Variants in NTS observed in about 807,000 individuals in gnomAD.
NTS encodes neurotensin.
A neutral mutation model predicts 19.5 loss-of-function variants in NTS; 20 were observed. The ratio of observed to expected loss-of-function variants is 1.02; its 90% confidence interval spans 0.72 to 1.49. NTS has a LOEUF of 1.49. Ranked by LOEUF, NTS falls within the 40% of genes most tolerant of loss-of-function variation. The probability of loss-of-function intolerance (pLI) is 0.00; values close to 1 mark genes in which losing one functional copy is unlikely to be tolerated. For missense variants in NTS, 215 were observed against 193.1 expected (o/e 1.11, Z -0.67); for synonymous variants, 71 against 63.3 (o/e 1.12, Z -0.58).
intron 1 of NTS, among the ~76,000 whole-genome samples, chr12:85,875,353 T>C (rs1375543819): frequency 2.6e-5 from 4 of 152,046 alleles, no homozygotes; most frequent in Non-Finnish European, 5.9e-5. Flanking sequence ...AAGAACACAT[T>C]AGGAAGCAAA....
chr12:85,880,493 A>C (rs1881478290), intron 3 of NTS, among the ~76,000 whole-genome samples: 2 of 152,028 alleles, frequency 1.3e-5, no homozygotes. Context: ...CTTGCGATTG[A>C]CTACCAAAGA....
chr12:85,880,862 G>A (rs895558221), intron 3 of NTS, among the ~76,000 whole-genome samples: 1 of 152,158 alleles, frequency 6.6e-6, no homozygotes, highest in African/African-American at 2.4e-5. Flanking sequence ...TGAGGCAGGA[G>A]AATGGCCTGA....
chr12:85,880,293 T>C (rs1416497044), intron 3 of NTS, among the ~76,000 whole-genome samples: 1 of 152,068 alleles, frequency 6.6e-6, no homozygotes, highest in Non-Finnish European at 1.5e-5. Context: ...TAGAACAATG[T>C]CAGGATAAAG....
At chr12:85,877,307 T>C (rs1881369164) in intron 2 of NTS, among the ~76,000 whole-genome samples, 1 of 152,118 alleles carries the variant, frequency 6.6e-6, no homozygotes, top group Non-Finnish European at 1.5e-5. Flanking sequence ...ACATTTACCG[T>C]TCTACAATGT....
intron 2 of NTS, 97 bp from the exon 3 acceptor site, chr12:85,878,245 GCAA>G: frequency 2.6e-6 from 2 of 780,614 alleles, no homozygotes; most frequent in South Asian, 3.8e-5. Flanking sequence ...GACTGGAGTA[GCAA>G]TTAGACCCTA....
At position 85,874,379 on chromosome 12, in the gene NTS, A is replaced by G. The variant is rs1285992991; in HGVS notation, c.-25A>G. 7 of 1,590,598 alleles carry G rather than the reference A, an allele frequency of 4.4e-6. No homozygotes were observed. The highest frequency in any genetic ancestry group is 5.2e-6 in the Non-Finnish European group (6 of 1,158,716). ...TTCAGTGTGCTTCTGACTTTTACGG[A>G]CTTGGCTTGTTAGAAGGCTGAAAGA... On this transcript the variant is annotated 5_prime_UTR_variant, in exon 1 of 4. Coordinates refer to ENST00000256010, the MANE Select transcript of NTS (RefSeq NM_006183.5).
chr12:85,879,222 T>TTTTATGTACGTAAA lies in NTS; in HGVS notation c.360+653_360+654insTTTATGTACGTAAA, dbSNP rs1565770692. Among the ~76,000 whole-genome samples the TTTTATGTACGTAAA allele has an allele frequency of 4.5e-5, 4 of 88,132 alleles. 2 individuals are homozygous for TTTTATGTACGTAAA. Among genetic ancestry groups the TTTTATGTACGTAAA allele is most frequent in the Non-Finnish European group, 9.2e-5 (4 of 43,460 alleles). 57.8% of individuals were successfully genotyped at this position (88,132 alleles called of 152,430 possible). ...TTTTATGTACGTAAAATATATTATA[T>TTTTATGTACGTAAA]ATATATTTTATGTATGTAAAATATA... On this transcript the variant is annotated intron_variant, in intron 3 of 3. Coordinates refer to ENST00000256010, the MANE Select transcript of NTS (RefSeq NM_006183.5).
At position 85,882,304 on chromosome 12, in the gene NTS, C is replaced by T; in HGVS notation, c.442C>T (p.Leu148=). The change falls in exon 4 of 4, where the codon CTG becomes TTG. Residue 148 remains leucine (L), a synonymous_variant. Transcript: ENST00000256010. ...CATAAAGAGAAAAATTCCTTATATTCTGAAACGGCAGCTGTATGAGAATAA... is the reference window on the plus strand; with the variant it reads ...CATAAAGAGAAAAATTCCTTATATTTTGAAACGGCAGCTGTATGAGAATAA... The part of the protein sequence containing the change: ...EVIKRKIPYI[L]KRQLYENKPR... 1.2e-6 allele frequency: 2 copies of T among 1,608,892 alleles called. No homozygotes were observed. Among genetic ancestry groups the T allele is most frequent in the Non-Finnish European group, 1.7e-6 (2 of 1,177,758 alleles).
chr12:85,878,507 G>A lies in NTS; in HGVS notation c.298G>A (p.Ala100Thr). The A allele has an allele frequency of 1.2e-6, 2 of 1,613,858 alleles. No homozygotes were observed. The highest frequency in any genetic ancestry group is 1.1e-5 in the South Asian group (1 of 91,060). Residue 100 changes from alanine (A) to threonine (T), a missense_variant, in exon 3 of 4, where the codon GCA (alanine) becomes ACA (threonine). By Grantham distance (58) the Ala-to-Thr change is moderately conservative. Transcript: ENST00000256010. Reference protein sequence around the residue: ...PTALDGFSLEAMLTIYQLHKI... With the variant: ...PTALDGFSLETMLTIYQLHKI... ...TGCTTTAGATGGCTTTAGCTTGGAA[G>A]CAATGTTGACAATATACCAGCTCCA... is the stretch of plus-strand genomic sequence containing the variant.
intron 3 of NTS, among the ~76,000 whole-genome samples, chr12:85,881,561 A>G (rs1342865940): frequency 1.3e-5 from 2 of 152,118 alleles, no homozygotes; most frequent in African/African-American, 4.8e-5. Flanking sequence ...CATGGTGCTT[A>G]ACTCCCTTAA....
At chr12:85,879,979 G>A (rs1043244342) in intron 3 of NTS, among the ~76,000 whole-genome samples, 1 of 148,972 alleles carries the variant, frequency 6.7e-6, no homozygotes, top group Admixed American at 6.7e-5. Context: ...CAAAAGTAAT[G>A]GCAAGAACCG....
intron 3 of NTS, among the ~76,000 whole-genome samples, chr12:85,880,354 T>G (rs1475796776): frequency 6.6e-6 from 1 of 152,084 alleles, no homozygotes; most frequent in East Asian, 1.9e-4. Flanking sequence ...AAACAAATTT[T>G]TAAAAATTTT....
chr12:85,878,127 G>A (rs1881388501), intron 2 of NTS: 1 of 413,128 alleles, frequency 2.4e-6, no homozygotes, highest in Non-Finnish European at 4.3e-6. Flanking sequence ...ATAAGTGCAT[G>A]TATATGTGAA....
chr12:85,880,161 T>C (rs1344469590), intron 3 of NTS, among the ~76,000 whole-genome samples: 1 of 151,966 alleles, frequency 6.6e-6, no homozygotes, highest in East Asian at 1.9e-4. Context: ...TTCGGTTCTG[T>C]GTTTGTTTAT....
chr12:85,874,337 T>G lies in NTS; in HGVS notation c.-67T>G. ...AAAGCCAGCTGAAGGAAAGAGGAAG[T>G]GCTAGAGAGAGCCCCCTTCAGTGTG... On this transcript the variant is annotated 5_prime_UTR_variant, in exon 1 of 4. Transcript: ENST00000256010. 1 of 1,097,956 alleles carries G rather than the reference T, an allele frequency of 9.1e-7. No homozygotes were observed. The allele number at this position is 1,097,956 out of a possible 1,614,324, so 68.0% of individuals were successfully genotyped here.
intron 3 of NTS, among the ~76,000 whole-genome samples, chr12:85,881,996 A>G (rs184456865): frequency 1.8e-4 from 28 of 152,096 alleles, no homozygotes; most frequent in African/African-American, 6.3e-4. Context: ...CTGGTGAACT[A>G]GGAAGAATAC....
chr12:85,878,240 G>T, intron 2 of NTS, 105 bp from the exon 3 acceptor site: 3 of 738,910 alleles, frequency 4.1e-6, no homozygotes, highest in South Asian at 3.9e-5. Context: ...TATTAGACTG[G>T]AGTAGCAATT....
chr12:85,881,026 T>C (rs1436147517), intron 3 of NTS, among the ~76,000 whole-genome samples: 1 of 152,156 alleles, frequency 6.6e-6, no homozygotes, highest in African/African-American at 2.4e-5. Context: ...ATGTCCATTA[T>C]ATGTTATTTA....
At chr12:85,881,001 T>C (rs911259638) in intron 3 of NTS, among the ~76,000 whole-genome samples, 6 of 152,066 alleles carry the variant, frequency 3.9e-5, no homozygotes, top group African/African-American at 7.2e-5. Flanking sequence ...AAAATACATA[T>C]TTTGATATAG....
Sources: gnomAD v4.1 joint callset for allele counts (sites outside exome capture counted in the v4.1 genomes callset) on GRCh38, gnomAD v4.1.1 for gene constraint, MANE v1.5 for transcripts, NCBI Gene and HGNC (gene_info 2026-07-23, HGNC 2026-07-21) for gene names.